Variants in CNTNAP2 observed in about 807,000 individuals in gnomAD.
The protein encoded by CNTNAP2 is contactin-associated protein-like 2.
A neutral mutation model predicts 155.2 loss-of-function variants in CNTNAP2; 98 were observed. The ratio of observed to expected loss-of-function variants is 0.63; its 90% CI spans 0.54 to 0.75. The LOEUF (loss-of-function observed/expected upper bound fraction) is 0.75. Among genes scored for constraint, CNTNAP2 ranks in the 30% least tolerant of loss-of-function variants. The probability of loss-of-function intolerance (pLI) is 0.00; values close to 1 mark genes in which losing one functional copy is unlikely to be tolerated. For synonymous variants in CNTNAP2, 651 were observed against 631.2 expected (o/e 1.03, Z -0.47); for missense variants, 1,727 against 1,688.1 (o/e 1.02, Z -0.40).
intron 2 of CNTNAP2, among the ~76,000 whole-genome samples, chr7:146,792,465 A>C (rs145854497): frequency 6.6e-6 from 1 of 152,346 alleles, no homozygotes; most frequent in African/African-American, 2.4e-5. Context: ...TGGCCCTTGC[A>C]TATAGTTCCA....
At chr7:147,761,347 T>C (rs541147695) in intron 13 of CNTNAP2, among the ~76,000 whole-genome samples, 148 of 152,322 alleles carry the variant, frequency 9.7e-4, no homozygotes, top group Admixed American at 2.5e-3. Context: ...CTTTCCTCTT[T>C]CCTGCTTTTC....
In CNTNAP2 at chr7:147,233,985, G is replaced by T. The variant is rs77055549; in HGVS notation, c.1349-66156G>T. ...TTTTAAATACCTATGTTTCCCAGGGGTTGCTTTGTGTAAAAAATATTAGCA... is the reference window on the plus strand; with the variant it reads ...TTTTAAATACCTATGTTTCCCAGGGTTTGCTTTGTGTAAAAAATATTAGCA... On this transcript the variant is annotated intron_variant, in intron 8 of 23. Coordinates refer to ENST00000361727, the MANE Select transcript of CNTNAP2 (RefSeq NM_014141.6). Among the ~76,000 whole-genome samples the T allele has an allele frequency of 5.0e-3, 747 of 149,268 alleles. 7 individuals are homozygous for T. Among genetic ancestry groups the T allele is most frequent in the African/African-American group, 0.018 (713 of 40,604 alleles).
chr7:147,725,078 G>C (rs1014752427), intron 13 of CNTNAP2, among the ~76,000 whole-genome samples: 1 of 151,844 alleles, frequency 6.6e-6, no homozygotes, highest in African/African-American at 2.4e-5. Flanking sequence ...CTACAGATTT[G>C]GTACTTCCAA....
chr7:148,189,583 C>T (rs1213543685), intron 18 of CNTNAP2, among the ~76,000 whole-genome samples: 3 of 152,166 alleles, frequency 2.0e-5, no homozygotes, highest in South Asian at 2.1e-4. Flanking sequence ...TGCCCTTCTG[C>T]CATGGGATGA....
intron 3 of CNTNAP2, among the ~76,000 whole-genome samples, chr7:146,912,741 C>G (rs188542215): frequency 6.6e-6 from 1 of 152,206 alleles, no homozygotes; most frequent in Admixed American, 6.5e-5. Context: ...CTGTGAAAAA[C>G]AAAGGCTTTA....
chr7:147,270,676 T>C (rs1804724044), intron 8 of CNTNAP2, among the ~76,000 whole-genome samples: 2 of 152,212 alleles, frequency 1.3e-5, no homozygotes, highest in South Asian at 2.1e-4. Context: ...CTAATGATTG[T>C]CACACAGGTG....
intron 16 of CNTNAP2, among the ~76,000 whole-genome samples, chr7:148,139,808 G>A (rs1040418358): frequency 6.6e-6 from 1 of 152,084 alleles, no homozygotes; most frequent in African/African-American, 2.4e-5. Context: ...CAAAGTGCTG[G>A]GATTACAGGC....
intron 1 of CNTNAP2, among the ~76,000 whole-genome samples, chr7:146,607,065 G>A (rs1799060313): frequency 6.6e-6 from 1 of 152,048 alleles, no homozygotes; most frequent in African/African-American, 2.4e-5. Context: ...AAGGAAGGAG[G>A]AGACCAAGGC....
At chr7:148,024,983 T>C (rs973870488) in intron 15 of CNTNAP2, among the ~76,000 whole-genome samples, 1 of 152,214 alleles carries the variant, frequency 6.6e-6, no homozygotes, top group Non-Finnish European at 1.5e-5. Context: ...ACAAGCTAGC[T>C]GACTTTGTTA....
chr7:148,175,362 A>T (rs1254984144), intron 18 of CNTNAP2, among the ~76,000 whole-genome samples: 1 of 152,190 alleles, frequency 6.6e-6, no homozygotes, highest in Non-Finnish European at 1.5e-5. Context: ...TTTGAGGGAT[A>T]ACTATCTCTG....
intron 10 of CNTNAP2, among the ~76,000 whole-genome samples, chr7:147,401,189 T>C (rs1399554549): frequency 1.3e-5 from 2 of 152,112 alleles, no homozygotes; most frequent in African/African-American, 2.4e-5. Flanking sequence ...TCTAACTCCA[T>C]TGAAAATATA....
intron 2 of CNTNAP2, among the ~76,000 whole-genome samples, chr7:146,812,198 G>A (rs1332828794): frequency 6.6e-6 from 1 of 152,118 alleles, no homozygotes; most frequent in African/African-American, 2.4e-5. Context: ...CTTCCTAGAG[G>A]CTTGTTGAAT....
intron 3 of CNTNAP2, chr7:146,962,880 T>G (rs1183006966): frequency 6.6e-6 from 1 of 152,186 alleles, no homozygotes; most frequent in Non-Finnish European, 1.5e-5. Context: ...TAAGGACATC[T>G]GAAAGATAAT....
At chr7:148,093,022 T>C (rs530209332) in intron 15 of CNTNAP2, among the ~76,000 whole-genome samples, 22 of 152,052 alleles carry the variant, frequency 1.4e-4, no homozygotes, top group African/African-American at 5.1e-4. Flanking sequence ...ACTTTCTAAA[T>C]AGAATAAAAG....
intron 12 of CNTNAP2, among the ~76,000 whole-genome samples, chr7:147,596,958 G>T (rs1288276651): frequency 6.6e-6 from 1 of 151,952 alleles, no homozygotes; most frequent in Non-Finnish European, 1.5e-5. Flanking sequence ...ATGTCAGGAA[G>T]TTACCCTATA....
At chr7:147,754,319 AG>A (rs1425188178) in intron 13 of CNTNAP2, among the ~76,000 whole-genome samples, 14 of 152,252 alleles carry the variant, frequency 9.2e-5, no homozygotes, top group Non-Finnish European at 1.6e-4. Flanking sequence ...TGATAGTTAC[AG>A]GGAAGAGTAA....
intron 11 of CNTNAP2, among the ~76,000 whole-genome samples, chr7:147,522,727 A>G (rs758298119): frequency 2.0e-5 from 3 of 150,272 alleles, no homozygotes; most frequent in Non-Finnish European, 3.0e-5. Flanking sequence ...TGGATAGCTG[A>G]TGCTGTGCCC....
At chr7:146,345,558 T>G (rs1009524372) in intron 1 of CNTNAP2, among the ~76,000 whole-genome samples, 1 of 152,156 alleles carries the variant, frequency 6.6e-6, no homozygotes, top group East Asian at 1.9e-4. Context: ...CTCTCATTCT[T>G]ACACCCACAC....
At chr7:146,179,559 T>C (rs2116833362) in intron 1 of CNTNAP2, among the ~76,000 whole-genome samples, 1 of 152,244 alleles carries the variant, frequency 6.6e-6, no homozygotes, top group Middle Eastern at 3.4e-3. Flanking sequence ...ACAAATAGCA[T>C]GTTTTTCGAG....
Sources: allele counts gnomAD v4.1 joint callset (sites outside exome capture counted in the v4.1 genomes callset), GRCh38; gene constraint gnomAD v4.1.1; transcripts MANE v1.5; gene names NCBI Gene and HGNC (gene_info 2026-07-23, HGNC 2026-07-21).